Variants in ASIC2 observed in about 807,000 individuals in gnomAD.
ASIC2 encodes the protein acid sensing ion channel subunit 2, also known as acid-sensing ion channel 2.
Under a neutral mutation model 57.3 loss-of-function variants are expected in ASIC2, and 25 were observed. The observed-to-expected ratio is 0.44, with a 90% CI of 0.32 to 0.61. The LOEUF (loss-of-function observed/expected upper bound fraction) is 0.61, where lower values mean the gene tolerates loss of function less well. Among genes scored for constraint, ASIC2 ranks in the 20% least tolerant of loss-of-function variants. ASIC2 has a pLI of 0.06. For missense variants in ASIC2, 641 were observed against 738.1 expected, an observed-to-expected ratio of 0.87 and a Z score of 1.52; for synonymous variants, 319 against 307.5, an observed-to-expected ratio of 1.04 and a Z score of -0.39.
chr17:33,196,345 GATC>G (rs2142073403), intron 1 of ASIC2, among the ~76,000 whole-genome samples: 1 of 150,056 alleles, frequency 6.7e-6, no homozygotes, highest in African/African-American at 2.5e-5. Context: ...TGATGATGAT[GATC>G]ACTTCTAGAA....
chr17:34,098,357 A>C (rs947681427), intron 1 of ASIC2, among the ~76,000 whole-genome samples: 9 of 152,196 alleles, frequency 5.9e-5, no homozygotes, highest in African/African-American at 1.7e-4. Context: ...CAGACATCAA[A>C]ATTTTAAATT....
intron 1 of ASIC2, chr17:33,533,648 A>G (rs887995151): frequency 6.6e-6 from 1 of 152,232 alleles, no homozygotes; most frequent in African/African-American, 2.4e-5. Flanking sequence ...ATTGCCTGGA[A>G]TCAAAATTTC....
rs113595176 is a variant in ASIC2 at position 33,402,345 on chromosome 17, G to A, written c.556-290278C>T. On this transcript the variant is annotated intron_variant, in intron 1 of 9. Transcript: ENST00000359872. ...CAGGATGTGAAGGTTTTTTACATAG[G>A]TAAACATGTGCCATGGTGGTTTGCT... Among the ~76,000 whole-genome samples the A allele has an allele frequency of 2.6e-3, 391 of 152,130 alleles. 2 individuals are homozygous for A. Among genetic ancestry groups the A allele is most frequent in the African/African-American group, 9.1e-3 (376 of 41,468 alleles).
chr17:33,268,234 T>C (rs1909546836), intron 1 of ASIC2, among the ~76,000 whole-genome samples: 2 of 152,138 alleles, frequency 1.3e-5, no homozygotes, highest in Non-Finnish European at 2.9e-5. Flanking sequence ...TCCAATATAA[T>C]CCCTTTTGCT....
In ASIC2 at chr17:33,123,488, C is replaced by CT. The variant is rs202021851; in HGVS notation, c.709-11422dup. 7.9e-4 allele frequency among the ~76,000 whole-genome samples: 119 copies of CT among 151,370 alleles called. 1 individual carries two copies. In the East Asian group the frequency reaches 0.014, roughly 17 times the overall value. ...GTAGAATGGTGGTTGCCATTAAAAG[C>CT]TTTTTTTTTAAACAGTTGCTTGCCT... On this transcript the variant is annotated intron_variant, in intron 1 of 9. Coordinates refer to ENST00000225823, the MANE Select transcript of ASIC2 (RefSeq NM_183377.2).
chr17:33,176,535 T>C (rs1199289641), intron 1 of ASIC2, among the ~76,000 whole-genome samples: 1 of 152,002 alleles, frequency 6.6e-6, no homozygotes, highest in African/African-American at 2.4e-5. Context: ...AGAGATGGGG[T>C]CTCACCACGT....
intron 2 of ASIC2, among the ~76,000 whole-genome samples, chr17:33,111,132 C>A (rs1421519447): frequency 6.6e-6 from 1 of 152,140 alleles, no homozygotes; most frequent in African/African-American, 2.4e-5. Flanking sequence ...CCTTCCTGAG[C>A]CCCTCTTATG....
chr17:33,030,426 T>C (rs2091878220), intron 3 of ASIC2, among the ~76,000 whole-genome samples: 1 of 152,206 alleles, frequency 6.6e-6, no homozygotes, highest in Non-Finnish European at 1.5e-5. Flanking sequence ...TTGAGATTCA[T>C]TCATGCTTTT....
At chr17:33,855,790 C>T (rs183280259) in intron 1 of ASIC2, among the ~76,000 whole-genome samples, 49 of 152,228 alleles carry the variant, frequency 3.2e-4, no homozygotes, top group Admixed American at 7.8e-4. Flanking sequence ...GGATGATCCC[C>T]ACATCTCTTG....
intron 3 of ASIC2, among the ~76,000 whole-genome samples, chr17:33,045,398 TTCCCAGCAAATTGC>T (rs1300616454): frequency 6.6e-6 from 1 of 152,222 alleles, no homozygotes; most frequent in Non-Finnish European, 1.5e-5. Context: ...CGGAAGCATG[TTCCCAGCAAATTGC>T]CTCCGTGTAT....
At chr17:33,464,526 T>TTC (rs1244772935) in intron 1 of ASIC2, among the ~76,000 whole-genome samples, 1,151 of 38,448 alleles carry the variant, frequency 0.03, 13 homozygotes, top group African/African-American at 0.058. Context: ...CTTTCTTTCT[T>TTC]TCTTTCTTTC....
At chr17:33,887,322 G>A (rs1914852531) in intron 1 of ASIC2, among the ~76,000 whole-genome samples, 2 of 152,152 alleles carry the variant, frequency 1.3e-5, no homozygotes, top group African/African-American at 2.4e-5. Flanking sequence ...CTAGAAGAGC[G>A]AGACAGTATA....
At chr17:33,376,678 G>T (rs562324286) in intron 1 of ASIC2, among the ~76,000 whole-genome samples, 11 of 152,274 alleles carry the variant, frequency 7.2e-5, no homozygotes, top group African/African-American at 2.2e-4. Context: ...CAGAATCCAT[G>T]ATCTTGACCA....
chr17:33,839,912 C>T (rs746500303), intron 1 of ASIC2, among the ~76,000 whole-genome samples: 3 of 152,160 alleles, frequency 2.0e-5, no homozygotes, highest in Non-Finnish European at 2.9e-5. Flanking sequence ...CTCCGTGGAC[C>T]TCCTCTTCTG....
intron 1 of ASIC2, among the ~76,000 whole-genome samples, chr17:33,954,142 G>A (rs1434197917): frequency 6.6e-6 from 1 of 152,204 alleles, no homozygotes; most frequent in Non-Finnish European, 1.5e-5. Context: ...AATGAGACAG[G>A]TTGGAACCCC....
At chr17:33,579,269 C>T (rs574566962) in intron 1 of ASIC2, among the ~76,000 whole-genome samples, 2 of 123,300 alleles carry the variant, frequency 1.6e-5, no homozygotes, top group South Asian at 2.5e-4. Flanking sequence ...CTGGGTAGCA[C>T]GAATGAAACT....
chr17:33,649,504 AT>A (rs1235540427), intron 1 of ASIC2, among the ~76,000 whole-genome samples: 2 of 152,176 alleles, frequency 1.3e-5, no homozygotes, highest in African/African-American at 4.8e-5. Context: ...AAATCCTAGT[AT>A]TTTTTTAGGA....
chr17:33,110,074 C>T (rs1267999361), intron 2 of ASIC2, among the ~76,000 whole-genome samples: 1 of 148,820 alleles, frequency 6.7e-6, no homozygotes, highest in Non-Finnish European at 1.5e-5. Flanking sequence ...TGTGTGTGTA[C>T]ATGTGCTTTT....
chr17:33,246,012 C>A (rs2142125616), intron 1 of ASIC2, among the ~76,000 whole-genome samples: 1 of 143,128 alleles, frequency 7.0e-6, no homozygotes, highest in East Asian at 2.0e-4. Flanking sequence ...CATAGTGAGA[C>A]CCTCCCTACC....
Sources: gnomAD v4.1 joint callset for allele counts (sites outside exome capture counted in the v4.1 genomes callset) on GRCh38, gnomAD v4.1.1 for gene constraint, MANE v1.5 for transcripts, NCBI Gene and HGNC (gene_info 2026-07-23, HGNC 2026-07-21) for gene names.